IPO8: variants seen among roughly 807,000 people sequenced by gnomAD.
IPO8 encodes the protein importin-8.
A neutral mutation model predicts 141.2 loss-of-function variants in IPO8; 65 were observed. The ratio of observed to expected loss-of-function variants is 0.46; its 90% confidence interval spans 0.38 to 0.57. The LOEUF is 0.57. Ranked by LOEUF, IPO8 falls within the 20% of genes least tolerant of loss-of-function variation. The pLI, the probability that IPO8 is intolerant of heterozygous loss-of-function variation, is 0.00. For missense variants in IPO8, 980 were observed against 1,246.8 expected, an observed-to-expected ratio of 0.79 and a Z score of 3.22; for synonymous variants, 411 against 420.3, an observed-to-expected ratio of 0.98 and a Z score of 0.27.
intron 16 of IPO8, among the ~76,000 whole-genome samples, chr12:30,659,657 C>G (rs907256082): frequency 2.0e-5 from 3 of 151,358 alleles, no homozygotes. Flanking sequence ...CGAGACCCTC[C>G]TGGCTAACAA....
chr12:30,686,057 A>G (rs2053239533), intron 2 of IPO8, among the ~76,000 whole-genome samples: 1 of 152,220 alleles, frequency 6.6e-6, no homozygotes, highest in Admixed American at 6.5e-5. Flanking sequence ...TTGAGTAGCT[A>G]AAGTTCTGAA....
At chr12:30,653,287 C>G (rs1167147268) in intron 17 of IPO8, among the ~76,000 whole-genome samples, 195 bp from the exon 18 acceptor site, 2 of 151,896 alleles carry the variant, frequency 1.3e-5, no homozygotes, top group African/African-American at 4.8e-5. Flanking sequence ...AAGATCTGCC[C>G]CTCTGTTCAA....
At chr12:30,645,943 AAAG>A (rs2052639478) in intron 20 of IPO8, among the ~76,000 whole-genome samples, 1 of 152,194 alleles carries the variant, frequency 6.6e-6, no homozygotes, top group Non-Finnish European at 1.5e-5. Flanking sequence ...AACATTTAAA[AAAG>A]AAGAGCAATT....
Position 30,662,381 on chromosome 12 carries a change from T to G in IPO8, c.1701A>C (p.Ile567=). ...AGGCTACCTCTTGACTGTATTCACA[T>G]ATCATCTTCTGGATGACATTAGTAA... ...DDVTNVIQKM[I]CEYSQEVASI... Residue 567 remains isoleucine (I), a synonymous_variant, in exon 15 of 25, where the codon ATA becomes ATC. Transcript: ENST00000256079. 6.2e-7 allele frequency: 1 copy of G among 1,613,890 alleles called. No individual in the cohort carries two copies. Among genetic ancestry groups the G allele is most frequent in the Non-Finnish European group, 8.5e-7 (1 of 1,179,870 alleles).
intron 19 of IPO8, among the ~76,000 whole-genome samples, chr12:30,650,125 A>G (rs1215220776): frequency 6.6e-6 from 1 of 152,024 alleles, no homozygotes; most frequent in African/African-American, 2.4e-5. Context: ...ATTAGGAAAG[A>G]GACAAATACA....
At chr12:30,675,200 A>C (rs2053103538) in intron 6 of IPO8, among the ~76,000 whole-genome samples, 1 of 152,222 alleles carries the variant, frequency 6.6e-6, no homozygotes, top group Non-Finnish European at 1.5e-5. Context: ...TTTTAAGACA[A>C]ACTAAAATTT....
chr12:30,683,645 A>G (rs779177068), intron 3 of IPO8, among the ~76,000 whole-genome samples: 9 of 152,218 alleles, frequency 5.9e-5, no homozygotes, highest in Non-Finnish European at 1.0e-4. Context: ...AAATAGAATT[A>G]AAAATTCAGT....
intron 6 of IPO8, among the ~76,000 whole-genome samples, chr12:30,675,203 TA>T (rs1427077797): frequency 8.6e-5 from 13 of 151,542 alleles, no homozygotes; most frequent in African/African-American, 3.2e-4. Flanking sequence ...TAAGACAAAC[TA>T]AAATTTTAAT....
chr12:30,641,534 C>T (rs1381428722), intron 20 of IPO8, among the ~76,000 whole-genome samples: 4 of 136,312 alleles, frequency 2.9e-5, no homozygotes, highest in Non-Finnish European at 4.6e-5. Context: ...CAGAGTCTTG[C>T]TCTGTCACCC....
intron 11 of IPO8, 27 bp downstream of exon 11, chr12:30,666,148 T>C (rs1238674801): frequency 2.8e-6 from 4 of 1,425,804 alleles, no homozygotes; most frequent in Non-Finnish European, 1.9e-6. Context: ...CCTTTCAGTT[T>C]TGGATTTAAA....
intron 2 of IPO8, among the ~76,000 whole-genome samples, chr12:30,689,565 T>C (rs1251575263): frequency 1.3e-5 from 2 of 152,212 alleles, no homozygotes; most frequent in Non-Finnish European, 2.9e-5. Flanking sequence ...GTTATAAATC[T>C]TCCCAAAGCT....
chr12:30,650,426 A>G (rs1255312775), intron 19 of IPO8, among the ~76,000 whole-genome samples: 4 of 152,100 alleles, frequency 2.6e-5, no homozygotes, highest in Non-Finnish European at 4.4e-5. Flanking sequence ...TGATAAGCAG[A>G]TATCAGGCAA....
At chr12:30,677,621 A>C (rs777928172) in intron 5 of IPO8, among the ~76,000 whole-genome samples, 1 of 152,170 alleles carries the variant, frequency 6.6e-6, no homozygotes, top group African/African-American at 2.4e-5. Flanking sequence ...AGCAGGACAG[A>C]ATACAGAAGT....
intron 1 of IPO8, among the ~76,000 whole-genome samples, chr12:30,691,332 G>A (rs947545237): frequency 6.6e-6 from 1 of 152,148 alleles, no homozygotes; most frequent in Non-Finnish European, 1.5e-5. Flanking sequence ...ATCACCAGCT[G>A]CCCTCTACTG....
At chr12:30,666,042 GAA>G (rs573389986) in intron 11 of IPO8, 131 bp downstream of exon 11, 1 of 622,634 alleles carries the variant, frequency 1.6e-6, no homozygotes, top group Admixed American at 3.6e-5. Flanking sequence ...ACCAGGAGAG[GAA>G]AAAAAAAATC....
chr12:30,695,074 G>C lies in IPO8; in HGVS notation c.84+490C>G. On this transcript the variant is annotated intron_variant, in intron 1 of 24. Coordinates refer to ENST00000256079, the MANE Select transcript of IPO8 (RefSeq NM_006390.4). The surrounding 1 kb of genome is among the most constrained non-coding windows in gnomAD (Gnocchi z 4.2). ...CACTGCCCAGCGCTCCGCAAAACTC[G>C]GCCAATCGGTGTCAAAACAGTCCTG... 1 of 454,952 alleles carries C rather than the reference G, an allele frequency of 2.2e-6. No individual in the cohort carries two copies. The highest frequency in any genetic ancestry group is 2.4e-5 in the Admixed American group (1 of 41,988). 28.2% of individuals were successfully genotyped at this position (454,952 alleles called of 1,614,324 possible). A position where few individuals can be genotyped will look rare whatever the true frequency, so the allele number is the denominator to read the frequency against.
At chr12:30,665,588 T>C (rs376064659) in intron 12 of IPO8, 141 bp downstream of exon 12, 21 of 633,766 alleles carry the variant, frequency 3.3e-5, no homozygotes, top group South Asian at 2.1e-4. Context: ...ATTAAAGAAA[T>C]AGATGACAGA....
At position 30,658,973 on chromosome 12, in the gene IPO8, C is replaced by T. The variant is rs564310688; in HGVS notation, c.1881+2168G>A. ...TCGGCTCATTGCGAGCTCCGCCTCC[C>T]GGGTTCATGCCATTCTCCTGCCTCA... On this transcript the variant is annotated intron_variant, in intron 16 of 24. Coordinates refer to ENST00000256079, the MANE Select transcript of IPO8 (RefSeq NM_006390.4). Among the ~76,000 whole-genome samples, 369 of 151,056 alleles carry T rather than the reference C, an allele frequency of 2.4e-3. 3 individuals carry two copies. Among genetic ancestry groups the T allele is most frequent in the African/African-American group, 8.5e-3 (350 of 41,068 alleles).
At chr12:30,672,270 G>C (rs1301545916) in intron 8 of IPO8, among the ~76,000 whole-genome samples, 1 of 152,140 alleles carries the variant, frequency 6.6e-6, no homozygotes, top group African/African-American at 2.4e-5. Flanking sequence ...TCAGAATATG[G>C]ATTTTATTCA....
Sources: allele counts gnomAD v4.1 joint callset (sites outside exome capture counted in the v4.1 genomes callset), GRCh38; gene constraint gnomAD v4.1.1; non-coding constraint Gnocchi (gnomAD v3.1); transcripts MANE v1.5; gene names NCBI Gene and HGNC (gene_info 2026-07-23, HGNC 2026-07-21).